GYPB: variants seen among roughly 807,000 people sequenced by gnomAD.
GYPB encodes glycophorin B (MNS blood group).
In GYPB, 13 loss-of-function variants were observed where a neutral mutation model predicts 15.3. That is an observed-to-expected ratio of 0.85 (90% CI 0.55 to 1.35). The LOEUF is 1.35. GYPB is among the 40% of genes most tolerant of loss of function. The probability of loss-of-function intolerance (pLI) is 0.00; values close to 1 mark genes in which losing one functional copy is unlikely to be tolerated. For missense variants in GYPB, 131 were observed against 108.3 expected (o/e 1.21, Z -0.93); for synonymous variants, 38 against 36.9 (o/e 1.03, Z -0.11).
intron 1 of GYPB, among the ~76,000 whole-genome samples, chr4:144,010,018 C>A (rs1311274164): frequency 6.6e-6 from 1 of 151,316 alleles, no homozygotes; most frequent in Non-Finnish European, 1.5e-5. Context: ...TGCTTGGCCC[C>A]TGTATTAGCA....
intron 1 of GYPB, among the ~76,000 whole-genome samples, chr4:144,011,358 C>T (rs994013742): frequency 3.4e-4 from 51 of 151,110 alleles, no homozygotes; most frequent in African/African-American, 1.0e-3. Flanking sequence ...CCAGCCTGGG[C>T]GACAGAACGA....
At position 144,019,034 on chromosome 4, in the gene GYPB, C is replaced by G. The variant is rs572619702; in HGVS notation, c.37+217G>C. Among the ~76,000 whole-genome samples, 74 of 151,380 alleles carry G rather than the reference C, an allele frequency of 4.9e-4. No individual in the cohort carries two copies. The Middle Eastern group carries it at 0.017, about 35-fold the overall frequency. ...TTAGAATTGAAGTAAGCTTCTCATA[C>G]TAGAAAACTGGATTCGGCCATAAAT... On this transcript the variant is annotated intron_variant, in intron 1 of 4. Transcript: ENST00000502664.
At chr4:144,012,274 A>G (rs1312096593) in intron 1 of GYPB, among the ~76,000 whole-genome samples, 2 of 151,596 alleles carry the variant, frequency 1.3e-5, no homozygotes, top group Non-Finnish European at 1.5e-5. Flanking sequence ...AACATAACAT[A>G]TTCTCCAAGT....
At position 144,015,267 on chromosome 4, in the gene GYPB, A is replaced by C. The variant is rs200095474; in HGVS notation, c.37+3984T>G. Among the ~76,000 whole-genome samples the C allele has an allele frequency of 8.2e-4, 124 of 151,528 alleles. 1 individual carries two copies. The East Asian group carries it at 0.023, about 28-fold the overall frequency. ...CTTACAATCCCAACACTCAGAGATA[A>C]GCCCGGAATTTTTTTTCAAGATTTT... On this transcript the variant is annotated intron_variant, in intron 1 of 4. Transcript: ENST00000502664.
At chr4:144,005,915 CAT>C (rs1484160844) in intron 1 of GYPB, among the ~76,000 whole-genome samples, 2 of 151,426 alleles carry the variant, frequency 1.3e-5, no homozygotes, top group African/African-American at 2.5e-5. Flanking sequence ...CATGGGCTAA[CAT>C]ATGGAGAAAG....
intron 4 of GYPB, 172 bp downstream of exon 4, chr4:143,997,368 C>CAAAA (rs5862679): frequency 7.6e-5 from 33 of 433,544 alleles, no homozygotes; most frequent in East Asian, 1.9e-4. Flanking sequence ...TGGGCAAATG[C>CAAAA]AAAAAAAAAA....
chr4:144,013,410 A>C (rs554989636), intron 1 of GYPB, among the ~76,000 whole-genome samples: 6 of 151,310 alleles, frequency 4.0e-5, no homozygotes, highest in Non-Finnish European at 8.8e-5. Context: ...CCAGCCATCC[A>C]ATTACTGGGT....
Position 144,003,843 on chromosome 4 carries a change from C to T in GYPB, c.38-2560G>A, listed in dbSNP as rs1727743896. Among the ~76,000 whole-genome samples, 3 of 151,510 alleles carry T rather than the reference C, an allele frequency of 2.0e-5. No homozygotes were observed. The South Asian group carries it at 6.2e-4, about 31-fold the overall frequency. ...AAGTTTACAAAGCTGGACTCAGACCCTAACACTGGCTTTAAAATGTGTCCT... is the reference window on the plus strand; with the variant it reads ...AAGTTTACAAAGCTGGACTCAGACCTTAACACTGGCTTTAAAATGTGTCCT... On this transcript the variant is annotated intron_variant, in intron 1 of 4. Coordinates refer to ENST00000502664, the MANE Select transcript of GYPB (RefSeq NM_002100.6).
At position 144,003,568 on chromosome 4, in the gene GYPB, A is replaced by G. The variant is rs1427414995; in HGVS notation, c.38-2285T>C. ...ACTTTCATTATTTTAATTTTAAATG[A>G]AGTCAGAGAAGGTGAAAAGTATTTT... On this transcript the variant is annotated intron_variant, in intron 1 of 4. Transcript: ENST00000502664. Among the ~76,000 whole-genome samples, 2 of 151,542 alleles carry G rather than the reference A, an allele frequency of 1.3e-5. 1 individual carries two copies.
intron 1 of GYPB, among the ~76,000 whole-genome samples, chr4:144,014,362 C>G (rs1276491476): frequency 1.3e-5 from 2 of 151,618 alleles, no homozygotes; most frequent in Non-Finnish European, 2.9e-5. Context: ...AATGATGGAT[C>G]GATAAGCAAA....
intron 1 of GYPB, among the ~76,000 whole-genome samples, chr4:144,013,998 G>C (rs541702699): frequency 1.3e-5 from 2 of 151,562 alleles, no homozygotes; most frequent in Admixed American, 6.5e-5. Flanking sequence ...AATTACATGA[G>C]AAGATTCTCA....
At chr4:144,017,471 C>G (rs1224861801) in intron 1 of GYPB, among the ~76,000 whole-genome samples, 1 of 151,174 alleles carries the variant, frequency 6.6e-6, no homozygotes, top group African/African-American at 2.5e-5. Context: ...AGAGAGTTTC[C>G]TTGGAGGGTT....
intron 3 of GYPB, among the ~76,000 whole-genome samples, chr4:143,998,487 A>T (rs1174191344): frequency 6.7e-6 from 1 of 149,844 alleles, no homozygotes; most frequent in South Asian, 2.1e-4. Context: ...GCTTGAATGT[A>T]TGCGATAGTG....
intron 1 of GYPB, among the ~76,000 whole-genome samples, chr4:144,010,177 T>C (rs932357615): frequency 1.3e-5 from 2 of 151,218 alleles, no homozygotes; most frequent in Admixed American, 1.3e-4. Context: ...AAAAATTAAG[T>C]TGTAGTCTAG....
chr4:144,008,467 C>A (rs550230706), intron 1 of GYPB: 1 of 455,244 alleles, frequency 2.2e-6, no homozygotes, highest in Admixed American at 2.4e-5. Context: ...GGCAAATCCA[C>A]ATTACGGAAG....
chr4:144,007,734 T>A (rs974436582), intron 1 of GYPB, among the ~76,000 whole-genome samples: 2 of 151,614 alleles, frequency 1.3e-5, no homozygotes, highest in African/African-American at 4.9e-5. Context: ...TGAAATTATC[T>A]GAGCCTCAGT....
chr4:144,017,791 T>C (rs1728584614), intron 1 of GYPB, among the ~76,000 whole-genome samples: 1 of 151,308 alleles, frequency 6.6e-6, no homozygotes, highest in South Asian at 2.1e-4. Flanking sequence ...ATACATCTTT[T>C]TTTCTGTGTA....
intron 4 of GYPB, among the ~76,000 whole-genome samples, chr4:143,996,740 C>G (rs998684875): frequency 6.7e-6 from 1 of 149,786 alleles, no homozygotes; most frequent in Non-Finnish European, 1.5e-5. Flanking sequence ...ACTTTGCACT[C>G]GAGCCTGGGT....
Sources: allele counts gnomAD v4.1 joint callset (sites outside exome capture counted in the v4.1 genomes callset), GRCh38; gene constraint gnomAD v4.1.1; transcripts MANE v1.5; gene names NCBI Gene and HGNC (gene_info 2026-07-23, HGNC 2026-07-21).